The following DENND4C variants were observed in gnomAD, a reference collection of about 807,000 sequenced individuals.
The protein encoded by DENND4C is DENN domain-containing protein 4C.
A neutral mutation model predicts 203.0 loss-of-function variants in DENND4C; 108 were observed. The observed-to-expected ratio is 0.53, with a 90% CI of 0.46 to 0.62. The LOEUF is 0.62. Among genes scored for constraint, DENND4C ranks in the 20% least tolerant of loss-of-function variants. The pLI is 0.00. For synonymous variants in DENND4C, 871 were observed against 792.4 expected (o/e 1.10, Z -1.67); for missense variants, 2,481 against 2,301.2 (o/e 1.08, Z -1.60).
chr9:19,314,370 C>T (rs1038524853), intron 10 of DENND4C, among the ~76,000 whole-genome samples: 5 of 152,052 alleles, frequency 3.3e-5, no homozygotes, highest in African/African-American at 1.2e-4. Context: ...AGGAGAATCG[C>T]TTGAACCTGG....
intron 1 of DENND4C, among the ~76,000 whole-genome samples, chr9:19,253,675 A>T (rs1827212782): frequency 2.6e-5 from 4 of 152,224 alleles, no homozygotes; most frequent in African/African-American, 9.6e-5. Flanking sequence ...CCTTTAAAAA[A>T]TATCTTTTAT....
At chr9:19,315,520 C>T in intron 10 of DENND4C, among the ~76,000 whole-genome samples, 1 of 148,584 alleles carries the variant, frequency 6.7e-6, no homozygotes. Context: ...TATGTATATA[C>T]ATGTATATAT....
chr9:19,237,523 G>T (rs1255902118), intron 1 of DENND4C, among the ~76,000 whole-genome samples: 1 of 151,842 alleles, frequency 6.6e-6, no homozygotes, highest in African/African-American at 2.4e-5. Flanking sequence ...GGCTAATTTT[G>T]TGTGTGTGTG....
At chr9:19,310,848 C>A (rs918399346) in intron 10 of DENND4C, among the ~76,000 whole-genome samples, 9 of 151,852 alleles carry the variant, frequency 5.9e-5, no homozygotes, top group Non-Finnish European at 1.0e-4. Context: ...CTCCTTTACT[C>A]TGTGTGGTAA....
intron 2 of DENND4C, among the ~76,000 whole-genome samples, chr9:19,280,921 T>C (rs912578685): frequency 5.9e-5 from 9 of 152,028 alleles, no homozygotes; most frequent in African/African-American, 2.2e-4. Flanking sequence ...TTTGTAGTTT[T>C]TGTAGAGGTG....
intron 17 of DENND4C, among the ~76,000 whole-genome samples, chr9:19,333,512 C>A (rs990596359): frequency 3.3e-5 from 5 of 152,110 alleles, no homozygotes; most frequent in Non-Finnish European, 7.3e-5. Flanking sequence ...TCATGACAAT[C>A]AAAAATGTTC....
chr9:19,339,260 T>C (rs1284987536), intron 20 of DENND4C, among the ~76,000 whole-genome samples: 1 of 152,208 alleles, frequency 6.6e-6, no homozygotes, highest in Non-Finnish European at 1.5e-5. Flanking sequence ...CAGGAAAACA[T>C]TGATATACCA....
intron 30 of DENND4C, among the ~76,000 whole-genome samples, 188 bp downstream of exon 30, chr9:19,362,151 G>T (rs1460231241): frequency 6.6e-6 from 1 of 152,146 alleles, no homozygotes; most frequent in South Asian, 2.1e-4. Flanking sequence ...GCAGGTGCCT[G>T]TAGTCCCAGC....
chr9:19,265,456 A>C (rs1379795645), intron 1 of DENND4C, among the ~76,000 whole-genome samples: 1 of 151,206 alleles, frequency 6.6e-6, no homozygotes, highest in Non-Finnish European at 1.5e-5. Flanking sequence ...TTATTTATTT[A>C]TTTATTTTTT....
At chr9:19,301,622 A>C (rs920396998) in intron 9 of DENND4C, among the ~76,000 whole-genome samples, 1 of 152,182 alleles carries the variant, frequency 6.6e-6, no homozygotes, top group African/African-American at 2.4e-5. Flanking sequence ...ATATTTGTTA[A>C]TGAACTGACC....
At chr9:19,271,140 T>G (rs901091361) in intron 1 of DENND4C, among the ~76,000 whole-genome samples, 20 of 151,766 alleles carry the variant, frequency 1.3e-4, no homozygotes, top group African/African-American at 4.8e-4. Flanking sequence ...CCTAATTATT[T>G]AATGCAGTCC....
chr9:19,235,885 A>G (rs1234252362), intron 1 of DENND4C, among the ~76,000 whole-genome samples: 1 of 151,966 alleles, frequency 6.6e-6, no homozygotes. Flanking sequence ...GGTGTGAGCC[A>G]CTGCGCCTGG....
chr9:19,288,879 T>G (rs1036417748), intron 4 of DENND4C, among the ~76,000 whole-genome samples: 1 of 152,252 alleles, frequency 6.6e-6, no homozygotes, highest in Non-Finnish European at 1.5e-5. Context: ...TAATTTAATT[T>G]AAACATTTAT....
chr9:19,297,486 G>A (rs1588868401), intron 6 of DENND4C, among the ~76,000 whole-genome samples: 2 of 152,150 alleles, frequency 1.3e-5, no homozygotes, highest in East Asian at 3.8e-4. Context: ...TGTCAAGTTA[G>A]CAACCTTTTG....
chr9:19,341,030 C>G lies in DENND4C; in HGVS notation c.2920C>G (p.Leu974Val). The stretch of plus-strand genomic sequence containing the variant: ...CCAAGGATACGGGTCTAAGGATGAA[C>G]TTATAAAGGATGATGCAGAAATTCA... Reference protein sequence around the residue: ...SDQGYGSKDELIKDDAEIHVP... With the variant: ...SDQGYGSKDEVIKDDAEIHVP... The change falls in exon 21 of 33, where the codon CTT becomes GTT. Residue 974 changes from leucine (L) to valine (V), a missense_variant. Physicochemically the swap from Leu to Val is conservative, Grantham distance 32. Transcript: ENST00000434457. 1 of 1,612,760 alleles carries G rather than the reference C, an allele frequency of 6.2e-7. No homozygotes were observed. The highest frequency in any genetic ancestry group is 8.5e-7 in the Non-Finnish European group (1 of 1,179,396).
intron 1 of DENND4C, among the ~76,000 whole-genome samples, chr9:19,275,899 G>A (rs1321217676): frequency 1.3e-5 from 2 of 152,110 alleles, no homozygotes; most frequent in Admixed American, 6.6e-5. Context: ...GAGCCATCGC[G>A]CCCGGCCCCA....
intron 1 of DENND4C, among the ~76,000 whole-genome samples, chr9:19,271,491 C>A (rs113224317): frequency 0.015 from 2,337 of 152,166 alleles, 52 homozygotes; most frequent in African/African-American, 0.053. Context: ...TGTGAGCTAC[C>A]GCCTCTGGCC....
At chr9:19,236,035 A>T (rs1821888880) in intron 1 of DENND4C, among the ~76,000 whole-genome samples, 1 of 150,678 alleles carries the variant, frequency 6.6e-6, no homozygotes, top group Non-Finnish European at 1.5e-5. Context: ...AGATATTCTC[A>T]TCTGATAATC....
chr9:19,316,322 T>C, intron 10 of DENND4C, 95 bp from the exon 11 acceptor site: 1 of 921,368 alleles, frequency 1.1e-6, no homozygotes, highest in Non-Finnish European at 1.7e-6. Flanking sequence ...AAAAACATCT[T>C]TTCCATTTTC....
Sources: gnomAD v4.1 joint callset for allele counts (sites outside exome capture counted in the v4.1 genomes callset) on GRCh38, gnomAD v4.1.1 for gene constraint, MANE v1.5 for transcripts, NCBI Gene and HGNC (gene_info 2026-07-23, HGNC 2026-07-21) for gene names.